SCAF8: variants seen among roughly 807,000 people sequenced by gnomAD.
SCAF8 encodes SR-related and CTD-associated factor 8.
Under a neutral mutation model 140.5 loss-of-function variants are expected in SCAF8, and 23 were observed. That is an observed-to-expected ratio of 0.16 (90% CI 0.12 to 0.23). The LOEUF (loss-of-function observed/expected upper bound fraction) is 0.23, where lower values mean the gene tolerates loss of function less well. Ranked by LOEUF, SCAF8 falls within the 10% of genes least tolerant of loss-of-function variation. The probability of loss-of-function intolerance (pLI) is 1.00; values close to 1 mark genes in which losing one functional copy is unlikely to be tolerated. For synonymous variants in SCAF8, 575 were observed against 528.9 expected (o/e 1.09, Z -1.20); for missense variants, 1,397 against 1,555.7 (o/e 0.90, Z 1.72).
At chr6:154,733,992 C>T (rs907126300) in intron 1 of SCAF8, 62 bp downstream of exon 1, 3 of 1,458,588 alleles carry the variant, frequency 2.1e-6, no homozygotes, top group African/African-American at 3.0e-5. Flanking sequence ...TGGTCGAGGC[C>T]GGGGCCCGGA....
Position 154,810,070 on chromosome 6 carries a change from A to C in SCAF8, c.1282A>C (p.Arg428=), listed in dbSNP as rs1247510187. The change falls in exon 12 of 20, where the codon AGA becomes CGA. Residue 428 remains arginine (R), a synonymous_variant. Coordinates refer to ENST00000367178, the MANE Select transcript of SCAF8 (RefSeq NM_014892.5). Reference sequence around the variant, plus strand: ...GTCTGGCTCTAGAAAGCGTAAACACAGAAAGCGATCACGCTCCCGCTCAAG... The same window carrying C: ...GTCTGGCTCTAGAAAGCGTAAACACCGAAAGCGATCACGCTCCCGCTCAAG... The part of the protein sequence containing the change: ...SRSGSRKRKH[R]KRSRSRSRER... 6.2e-7 allele frequency: 1 copy of C among 1,613,900 alleles called. No individual in the cohort carries two copies. The highest frequency in any genetic ancestry group is 2.2e-5 in the East Asian group (1 of 44,878).
At chr6:154,800,196 A>G (rs1777734025) in intron 6 of SCAF8, among the ~76,000 whole-genome samples, 1 of 151,332 alleles carries the variant, frequency 6.6e-6, no homozygotes, top group Non-Finnish European at 1.5e-5. Context: ...GTTATGTTAT[A>G]TAATTACTTG....
intron 1 of SCAF8, among the ~76,000 whole-genome samples, chr6:154,743,118 C>T (rs1340183307): frequency 2.6e-5 from 4 of 152,124 alleles, no homozygotes; most frequent in Non-Finnish European, 5.9e-5. Flanking sequence ...CTGACTCCAG[C>T]ATTGCTTCTT....
intron 1 of SCAF8, among the ~76,000 whole-genome samples, chr6:154,770,898 C>T (rs1377830539): frequency 2.6e-5 from 4 of 152,160 alleles, no homozygotes; most frequent in Admixed American, 2.6e-4. Context: ...GCATTTACCA[C>T]TACACCTGGG....
chr6:154,831,147 A>C lies in SCAF8; in HGVS notation c.2359+7A>C. On this transcript the variant is annotated splice_region_variant and intron_variant, in intron 19 of 19. Coordinates refer to ENST00000367178, the MANE Select transcript of SCAF8 (RefSeq NM_014892.5). ...GGTGAAAACACCAGATCAGGTAAAT[A>C]ATAATAATAAAATTTAAAAAAAGAG... 1 of 1,488,312 alleles carries C rather than the reference A, an allele frequency of 6.7e-7. No homozygotes were observed. The highest frequency in any genetic ancestry group is 9.1e-7 in the Non-Finnish European group (1 of 1,097,452). The allele number at this position is 1,488,312 out of a possible 1,614,324, so 92.2% of individuals were successfully genotyped here.
In SCAF8 at chr6:154,833,333, G is replaced by GAC. The variant is rs1427728258; in HGVS notation, c.3758_3759dup (p.Val1254GlnfsTer5). 1 of 1,613,958 alleles carries GAC rather than the reference G, an allele frequency of 6.2e-7. No homozygotes were observed. Among genetic ancestry groups the GAC allele is most frequent in the South Asian group, 1.1e-5 (1 of 91,038 alleles). ...AAATGAAATAAACAAGGAGAAGAGT[G>GAC]ACACAGTTGCTGATATAGAAAGTGA... On this transcript the variant is annotated frameshift_variant, in exon 20 of 20. Coordinates refer to ENST00000367178, the MANE Select transcript of SCAF8 (RefSeq NM_014892.5). LOFTEE classifies it high-confidence loss of function.
At chr6:154,741,382 C>T (rs1020485022) in intron 1 of SCAF8, among the ~76,000 whole-genome samples, 7 of 151,952 alleles carry the variant, frequency 4.6e-5, no homozygotes, top group African/African-American at 1.7e-4. Context: ...GCCCCAGTGT[C>T]CCAAAGAGTC....
At chr6:154,831,647 ACTTTT>A (rs1778737268) in intron 19 of SCAF8, among the ~76,000 whole-genome samples, 1 of 130,826 alleles carries the variant, frequency 7.6e-6, no homozygotes, top group African/African-American at 3.0e-5. Context: ...TTCTAAGCAT[ACTTTT>A]CTTTCCTTTC....
chr6:154,833,686 A>G lies in SCAF8; in HGVS notation c.*291A>G, dbSNP rs968718595. 4 of 260,910 alleles carry G rather than the reference A, an allele frequency of 1.5e-5. No homozygotes were observed. Among genetic ancestry groups the G allele is most frequent in the Admixed American group, 9.9e-5 (2 of 20,248 alleles). 16.2% of individuals were successfully genotyped at this position (260,910 alleles called of 1,614,324 possible). On this transcript the variant is annotated 3_prime_UTR_variant, in exon 20 of 20. Coordinates refer to ENST00000367178, the MANE Select transcript of SCAF8 (RefSeq NM_014892.5). ...AATAACAGCTTGTCAGAGACTTCCT[A>G]TGGAAGAAAGAATTTTTTAGATACT...
upstream of SCAF8, chr6:154,733,381 G>A (rs142984398): frequency 2.0e-5 from 26 of 1,315,092 alleles, no homozygotes; most frequent in Non-Finnish European, 2.5e-5. Context: ...CGGCGCCGCG[G>A]ATCCCCGAAC....
intron 12 of SCAF8, 130 bp downstream of exon 12, chr6:154,810,338 C>G (rs1009423507): frequency 1.7e-5 from 10 of 594,802 alleles, no homozygotes; most frequent in African/African-American, 1.5e-4. Context: ...TGAGTAATGT[C>G]TCTGGTTTTT....
chr6:154,819,487 AG>A (rs1306100269), intron 14 of SCAF8, among the ~76,000 whole-genome samples: 1 of 151,974 alleles, frequency 6.6e-6, no homozygotes, highest in Admixed American at 6.6e-5. Context: ...GCTGCTTGGG[AG>A]GCTGAGGTGG....
At chr6:154,784,120 GATATATATATATATATATATATAT>G (rs72135986) in intron 3 of SCAF8, among the ~76,000 whole-genome samples, 27,741 of 107,074 alleles carry the variant, frequency 0.26, 3,718 homozygotes, top group South Asian at 0.42. Flanking sequence ...GGTGTCTTGA[GATATATATATATATATATATATAT>G]ATATATATAT....
intron 1 of SCAF8, among the ~76,000 whole-genome samples, chr6:154,767,658 G>C (rs986938081): frequency 3.4e-5 from 5 of 148,400 alleles, no homozygotes; most frequent in African/African-American, 1.2e-4. Context: ...TCACACCTCA[G>C]CCTGTAGTTG....
chr6:154,794,908 C>T (rs1777554317), intron 5 of SCAF8, 101 bp from the exon 6 acceptor site: 1 of 1,003,694 alleles, frequency 1.0e-6, no homozygotes, highest in Non-Finnish European at 1.4e-6. Context: ...AATATGCGTG[C>T]ATGTGTTTTA....
intron 1 of SCAF8, among the ~76,000 whole-genome samples, chr6:154,738,714 A>G (rs563714867): frequency 4.6e-5 from 7 of 152,242 alleles, no homozygotes; most frequent in Admixed American, 1.3e-4. Context: ...ATGATTTAGC[A>G]TTTCTTCCTA....
chr6:154,810,632 C>T (rs1240224073), intron 12 of SCAF8, among the ~76,000 whole-genome samples: 1 of 152,172 alleles, frequency 6.6e-6, no homozygotes, highest in Non-Finnish European at 1.5e-5. Flanking sequence ...GTTAGCACTA[C>T]AGGATAATTC....
intron 1 of SCAF8, among the ~76,000 whole-genome samples, chr6:154,765,671 A>C (rs1017768445): frequency 1.4e-5 from 2 of 144,334 alleles, no homozygotes; most frequent in East Asian, 4.2e-4. Flanking sequence ...AGCTAACTGA[A>C]TCACTCTCTA....
intron 3 of SCAF8, among the ~76,000 whole-genome samples, chr6:154,779,585 T>A (rs1472957519): frequency 1.3e-5 from 2 of 152,170 alleles, no homozygotes; most frequent in Non-Finnish European, 2.9e-5. Context: ...GTACTTTGAA[T>A]AAAATGTGTC....
Sources: gnomAD v4.1 joint callset for allele counts (sites outside exome capture counted in the v4.1 genomes callset) on GRCh38, gnomAD v4.1.1 for gene constraint, MANE v1.5 for transcripts, NCBI Gene and HGNC (gene_info 2026-07-23, HGNC 2026-07-21) for gene names.